The following NFXL1 variants were observed in gnomAD, a reference collection of about 807,000 sequenced individuals.
NFXL1 encodes the protein NF-X1-type zinc finger protein NFXL1.
NFXL1 carries 66 observed loss-of-function variants against 123.3 expected under a neutral mutation model. The ratio of observed to expected loss-of-function variants is 0.54; its 90% CI spans 0.44 to 0.66. The LOEUF is 0.66. Ranked by LOEUF, NFXL1 falls within the 30% of genes least tolerant of loss-of-function variation. The pLI is 0.00. For synonymous variants in NFXL1, 346 were observed against 360.8 expected (o/e 0.96, Z 0.46); for missense variants, 944 against 1,125.6 (o/e 0.84, Z 2.31).
intron 22 of NFXL1, among the ~76,000 whole-genome samples, chr4:47,850,562 C>G (rs1259414260): frequency 6.6e-6 from 1 of 152,026 alleles, no homozygotes; most frequent in African/African-American, 2.4e-5. Context: ...CAGGGAGTAT[C>G]AGGAATGTAC....
intron 3 of NFXL1, among the ~76,000 whole-genome samples, chr4:47,908,303 A>C (rs1054626045): frequency 8.4e-4 from 128 of 152,268 alleles, no homozygotes; most frequent in African/African-American, 3.0e-3. Flanking sequence ...GTGTGCTTGC[A>C]GTACCAGCTA....
At chr4:47,895,710 T>A (rs1443623455) in intron 10 of NFXL1, among the ~76,000 whole-genome samples, 1 of 152,158 alleles carries the variant, frequency 6.6e-6, no homozygotes, top group Non-Finnish European at 1.5e-5. Flanking sequence ...TTCCTCCTTA[T>A]CATCAATAAG....
intron 14 of NFXL1, among the ~76,000 whole-genome samples, chr4:47,885,158 T>G (rs1016607725): frequency 6.6e-6 from 1 of 150,708 alleles, no homozygotes; most frequent in Admixed American, 6.6e-5. Context: ...TAAAAATAAA[T>G]AAATATTAAA....
chr4:47,898,501 G>A (rs986444421), intron 8 of NFXL1, among the ~76,000 whole-genome samples: 2 of 152,162 alleles, frequency 1.3e-5, no homozygotes, highest in Admixed American at 6.6e-5. Context: ...GGGGACAAGA[G>A]CTAGCAAGAA....
chr4:47,852,462 A>G (rs1353787627), intron 20 of NFXL1, among the ~76,000 whole-genome samples: 1 of 152,170 alleles, frequency 6.6e-6, no homozygotes, highest in Non-Finnish European at 1.5e-5. Flanking sequence ...ATTTGCATTT[A>G]AATATCCACA....
At chr4:47,858,312 T>C (rs1224944328) in intron 19 of NFXL1, among the ~76,000 whole-genome samples, 2 of 152,248 alleles carry the variant, frequency 1.3e-5, no homozygotes, top group Non-Finnish European at 2.9e-5. Context: ...AAGTTACTGA[T>C]TATAAATTGA....
intron 20 of NFXL1, among the ~76,000 whole-genome samples, chr4:47,853,614 A>T (rs1319413388): frequency 6.6e-6 from 1 of 152,100 alleles, no homozygotes; most frequent in African/African-American, 2.4e-5. Context: ...GTAAGCAGAG[A>T]GCTAAAGGAA....
At position 47,898,087 on chromosome 4, in the gene NFXL1, A is replaced by G. The variant is rs1351444880; in HGVS notation, c.1090-6T>C. ...GGCAGTGTTTTTCCACATACCTAAA[A>G]TAAAATGCAATAAACACTAATGAAG... On this transcript the variant is annotated splice_polypyrimidine_tract_variant and splice_region_variant and intron_variant, in intron 8 of 22. Transcript: ENST00000507489. 1 of 1,522,014 alleles carries G rather than the reference A, an allele frequency of 6.6e-7. No homozygotes were observed. The highest frequency in any genetic ancestry group is 9.0e-7 in the Non-Finnish European group (1 of 1,108,722). 94.3% of individuals were successfully genotyped at this position (1,522,014 alleles called of 1,614,324 possible). A position where few individuals can be genotyped will look rare whatever the true frequency, so the allele number is the denominator to read the frequency against.
In NFXL1 at chr4:47,898,101, A is replaced by G; in HGVS notation, c.1090-20T>C. 6.9e-7 allele frequency: 1 copy of G among 1,444,754 alleles called. No homozygotes were observed. Among genetic ancestry groups the G allele is most frequent in the Non-Finnish European group, 9.6e-7 (1 of 1,041,796 alleles). The allele number at this position is 1,444,754 out of a possible 1,614,324, so 89.5% of individuals were successfully genotyped here. A position where few individuals can be genotyped will look rare whatever the true frequency, so the allele number is the denominator to read the frequency against. The stretch of plus-strand genomic sequence containing the variant: ...ACATACCTAAAATAAAATGCAATAA[A>G]CACTAATGAAGGATTTAAAAGTTAA... On this transcript the variant is annotated intron_variant, in intron 8 of 22. Transcript: ENST00000507489.
chr4:47,914,029 C>A lies in NFXL1; in HGVS notation c.175G>T (p.Ala59Ser), dbSNP rs1190247482. Residue 59 changes from alanine to serine, a missense_variant, in exon 2 of 23, where the codon GCT becomes TCT. By Grantham distance (99) the Ala-to-Ser change is moderately conservative. This residue lies in a region of NFXL1 where 303 missense variants were observed against 292.1 expected (regional missense o/e 1.04). Coordinates refer to ENST00000507489, the MANE Select transcript of NFXL1 (RefSeq NM_001278624.2). ...TSPGGVATTA[A>S]AGSRHSPAGS... ...GCGGGGCTGTGCCTGCTCCCTGCAG[C>A]CGCCGTGGTCGCGACTCCTCCGGGA... 1.9e-6 allele frequency: 3 copies of A among 1,548,950 alleles called. No homozygotes were observed. Among genetic ancestry groups the A allele is most frequent in the Middle Eastern group, 2.0e-4 (1 of 5,022 alleles).
intron 18 of NFXL1, among the ~76,000 whole-genome samples, chr4:47,872,395 G>A (rs1327437703): frequency 1.3e-5 from 2 of 151,344 alleles, no homozygotes; most frequent in Admixed American, 1.3e-4. Flanking sequence ...CCAGGAGGCA[G>A]AGATTGCAGT....
intron 18 of NFXL1, among the ~76,000 whole-genome samples, chr4:47,872,518 C>CA (rs1735511685): frequency 6.6e-6 from 1 of 151,544 alleles, no homozygotes; most frequent in African/African-American, 2.4e-5. Flanking sequence ...TGGCATAGCT[C>CA]AGAGATATTG....
Position 47,890,639 on chromosome 4 carries a change from T to C in NFXL1, c.1517A>G (p.His506Arg), listed in dbSNP as rs1327250623. The change falls in exon 12 of 23, where the codon CAT (histidine) becomes CGT (arginine). Residue 506 changes from histidine (H) to arginine (R), a missense_variant. By Grantham distance (29) the His-to-Arg change is conservative (BLOSUM62 0). Transcript: ENST00000507489. Reference sequence around the variant, plus strand: ...TCTGTGACAGACAGATGGACACTTATGGTTTCTACATCCTAAAGTCCGTCC... The same window carrying C: ...TCTGTGACAGACAGATGGACACTTACGGTTTCTACATCCTAAAGTCCGTCC... Reference protein sequence around the residue: ...NCGRTLGCRNHKCPSVCHRGS... With the variant: ...NCGRTLGCRNRKCPSVCHRGS... 1 of 1,605,792 alleles carries C rather than the reference T, an allele frequency of 6.2e-7. No homozygotes were observed. Among genetic ancestry groups the C allele is most frequent in the Non-Finnish European group, 8.5e-7 (1 of 1,172,704 alleles).
chr4:47,910,988 AT>A lies in NFXL1; in HGVS notation c.241del (p.Met81CysfsTer49). 1 of 1,569,370 alleles carries A rather than the reference AT, an allele frequency of 6.4e-7. No individual in the cohort carries two copies. The highest frequency in any genetic ancestry group is 8.6e-7 in the Non-Finnish European group (1 of 1,160,534). ...GATTTCTTCAAATTTTTTCTGAGAC[AT>A]TAGCTCTGTTTAAAAGAAAAAAGTT... ...ALQTTAASELMSQKKFEEIKK... is the reference protein window; with the variant it reads ...ALQTTAASELXSQKKFEEIKK... On this transcript the variant is annotated frameshift_variant, in exon 3 of 23. Transcript: ENST00000507489. LOFTEE classifies it high-confidence loss of function.
intron 3 of NFXL1, among the ~76,000 whole-genome samples, chr4:47,906,017 T>C (rs532366381): frequency 1.3e-5 from 2 of 152,298 alleles, no homozygotes; most frequent in East Asian, 3.9e-4. Context: ...TTATCTTCAT[T>C]TTACAGATGA....
chr4:47,854,128 G>A (rs1734274898), intron 20 of NFXL1, among the ~76,000 whole-genome samples: 1 of 152,074 alleles, frequency 6.6e-6, no homozygotes, highest in Non-Finnish European at 1.5e-5. Flanking sequence ...AAGGCCAAGT[G>A]TATAAATTTA....
rs1733871970 is a variant in NFXL1, at chr4:47,847,416, T to C, written c.*747A>G. The stretch of plus-strand genomic sequence containing the variant: ...AGATTGTGGTAAGGAGAAACGAGAT[T>C]AAGGTACATAGACCTCATAAGCCCT... On this transcript the variant is annotated 3_prime_UTR_variant, in exon 23 of 23. Transcript: ENST00000507489. The C allele has an allele frequency of 6.6e-6, 1 of 152,210 alleles. No individual in the cohort carries two copies. Among genetic ancestry groups the C allele is most frequent in the Non-Finnish European group, 1.5e-5 (1 of 68,034 alleles). 9.4% of individuals were successfully genotyped at this position (152,210 alleles called of 1,614,324 possible).
chr4:47,853,583 A>G (rs1490756836), intron 20 of NFXL1, among the ~76,000 whole-genome samples: 2 of 152,120 alleles, frequency 1.3e-5, no homozygotes, highest in African/African-American at 2.4e-5. Flanking sequence ...AGTGCTTCCA[A>G]TAAGTATTAG....
intron 2 of NFXL1, among the ~76,000 whole-genome samples, chr4:47,912,560 G>A (rs1204202660): frequency 6.7e-6 from 1 of 148,612 alleles, no homozygotes; most frequent in Non-Finnish European, 1.5e-5. Context: ...CCGGGCTCAC[G>A]CCATTCTCCT....
Sources: allele counts gnomAD v4.1 joint callset (sites outside exome capture counted in the v4.1 genomes callset), GRCh38; gene constraint gnomAD v4.1.1; regional missense constraint gnomAD v4.1.1; transcripts MANE v1.5; gene names NCBI Gene and HGNC (gene_info 2026-07-23, HGNC 2026-07-21).